The following TEK variants were observed in gnomAD, a reference collection of about 807,000 sequenced individuals.
TEK encodes the protein angiopoietin-1 receptor.
Under a neutral mutation model 131.8 loss-of-function variants are expected in TEK, and 43 were observed. The observed-to-expected ratio is 0.33, with a 90% CI of 0.26 to 0.42. TEK has a LOEUF of 0.42. TEK is among the 10% of genes least tolerant of loss of function. TEK has a pLI of 1.00. For missense variants in TEK, 1,162 were observed against 1,384.4 expected (o/e 0.84, Z 2.55); for synonymous variants, 580 against 491.6 (o/e 1.18, Z -2.38).
chr9:27,212,663 G>T (rs747130292), intron 16 of TEK, 44 bp from the exon 17 acceptor site: 2 of 1,605,374 alleles, frequency 1.2e-6, no homozygotes, highest in Non-Finnish European at 1.7e-6. Flanking sequence ...TGTCATAGCT[G>T]TTCAGGGCCA....
chr9:27,228,364 G>C (rs1484065215), intron 22 of TEK, 59 bp downstream of exon 22: 3 of 1,366,164 alleles, frequency 2.2e-6, no homozygotes, highest in Non-Finnish European at 3.1e-6. Flanking sequence ...GCCCAGGGTG[G>C]TTCATAAAAA....
Position 27,197,555 on chromosome 9 carries a change from A to C in TEK, c.1865A>C (p.Gln622Pro). ...CGAGCTAGAGTCAACACCAAGGCCC[A>C]GGGGGAATGGAGTGAAGATCTCACT... Reference protein sequence around the residue: ...VVRARVNTKAQGEWSEDLTAW... With the variant: ...VVRARVNTKAPGEWSEDLTAW... Residue 622 changes from glutamine to proline, a missense_variant, in exon 12 of 23, where the codon CAG (glutamine) becomes CCG (proline). Transcript: ENST00000380036. 1 of 1,614,092 alleles carries C rather than the reference A, an allele frequency of 6.2e-7. No homozygotes were observed.
intron 17 of TEK, 87 bp downstream of exon 17, chr9:27,212,984 C>T: frequency 1.4e-6 from 2 of 1,405,298 alleles, no homozygotes; most frequent in Non-Finnish European, 2.0e-6. Flanking sequence ...GTCTGTCAAC[C>T]TCTCTTCTTT....
intron 1 of TEK, among the ~76,000 whole-genome samples, chr9:27,137,911 T>C (rs1485054989): frequency 6.6e-6 from 1 of 152,182 alleles, no homozygotes; most frequent in African/African-American, 2.4e-5. Flanking sequence ...AGTGTTACAG[T>C]TCTTAAAGAT....
intron 2 of TEK, among the ~76,000 whole-genome samples, chr9:27,163,753 C>T (rs1823626285): frequency 6.6e-6 from 1 of 152,292 alleles, no homozygotes; most frequent in African/African-American, 2.4e-5. Context: ...ATACTGTCTT[C>T]ACAGGACTGT....
rs764047256 is a variant in TEK, at chr9:27,173,267, G to T, written c.806G>T (p.Ser269Ile). The part of the protein sequence containing the change: ...TFGRTCKERC[S>I]GQEGCKSYVF... ...GGCAGAACTTGTAAAGAAAGGTGCA[G>T]TGGACAAGAGGGATGCAAGTCTTAT... Residue 269 changes from serine (S) to isoleucine (I), a missense_variant, in exon 6 of 23, where the codon AGT becomes ATT. Coordinates refer to ENST00000380036, the MANE Select transcript of TEK (RefSeq NM_000459.5). 2.5e-6 allele frequency: 4 copies of T among 1,614,100 alleles called. No homozygotes were observed. In the Admixed American group the frequency reaches 6.7e-5, roughly 27 times the overall value.
chr9:27,136,084 TA>T (rs1822418233), intron 1 of TEK, among the ~76,000 whole-genome samples: 3 of 120,284 alleles, frequency 2.5e-5, no homozygotes, highest in South Asian at 2.3e-4. Context: ...CCAGGGCAGT[TA>T]TTTTTTTTTT....
At chr9:27,114,683 C>T (rs1821481431) in intron 1 of TEK, among the ~76,000 whole-genome samples, 1 of 152,146 alleles carries the variant, frequency 6.6e-6, no homozygotes, top group South Asian at 2.1e-4. Context: ...AAATGATATT[C>T]ACTCTCATCT....
chr9:27,224,806 G>A lies in TEK; in HGVS notation c.3201-3400G>A, dbSNP rs537563505. 1.2e-3 allele frequency among the ~76,000 whole-genome samples: 180 copies of A among 152,296 alleles called. 6 individuals are homozygous for A. In the South Asian group the frequency reaches 0.036, roughly 30 times the overall value. ...AAAGGGCATTCAAATAGGAAGAGAG[G>A]AAGTCAAACTGTCTCTGTCTGCAGA... On this transcript the variant is annotated intron_variant, in intron 21 of 22. Transcript: ENST00000380036.
At chr9:27,224,019 G>A (rs891132189) in intron 21 of TEK, among the ~76,000 whole-genome samples, 3 of 152,182 alleles carry the variant, frequency 2.0e-5, no homozygotes, top group African/African-American at 7.2e-5. Context: ...AGAAGAAATG[G>A]ATAAATTCAT....
chr9:27,170,698 G>A (rs1354755259), intron 4 of TEK, among the ~76,000 whole-genome samples: 1 of 152,168 alleles, frequency 6.6e-6, no homozygotes, highest in East Asian at 1.9e-4. Context: ...GGAGGTAAGG[G>A]AGTGGGCTTT....
At chr9:27,215,565 T>G (rs865825310) in intron 18 of TEK, among the ~76,000 whole-genome samples, 382 of 152,036 alleles carry the variant, frequency 2.5e-3, no homozygotes, top group African/African-American at 8.5e-3. Flanking sequence ...TTAGGGTTTT[T>G]TTTTTTTTTT....
At chr9:27,176,797 C>G (rs1442040091) in intron 6 of TEK, among the ~76,000 whole-genome samples, 1 of 152,184 alleles carries the variant, frequency 6.6e-6, no homozygotes, top group Non-Finnish European at 1.5e-5. Context: ...ACTTACTTAT[C>G]CTACTGTGTA....
In TEK at chr9:27,202,922, C is replaced by T. The variant is rs1476478574; in HGVS notation, c.2012C>T (p.Thr671Ile). The T allele has an allele frequency of 1.9e-6, 3 of 1,614,006 alleles. No individual in the cohort carries two copies. Among genetic ancestry groups the T allele is most frequent in the African/African-American group, 1.3e-5 (1 of 74,912 alleles). ...GATGGCTATTCTATTTCTTCTATTA[C>T]TATCCGTTACAAGGTTCAAGGCAAG... ...ILDGYSISSITIRYKVQGKNE... is the reference protein window; with the variant it reads ...ILDGYSISSIIIRYKVQGKNE... The change falls in exon 13 of 23, where the codon ACT becomes ATT. Residue 671 changes from threonine to isoleucine, a missense_variant. By Grantham distance (89) the Thr-to-Ile change is moderately conservative. Transcript: ENST00000380036.
intron 2 of TEK, among the ~76,000 whole-genome samples, chr9:27,164,359 A>G (rs1011287248): frequency 6.9e-5 from 10 of 144,580 alleles, no homozygotes; most frequent in African/African-American, 2.6e-4. Flanking sequence ...TCACTCTGTC[A>G]CTGAGGCTGG....
intron 1 of TEK, among the ~76,000 whole-genome samples, chr9:27,153,222 G>A (rs1823196289): frequency 6.6e-6 from 1 of 152,168 alleles, no homozygotes; most frequent in South Asian, 2.1e-4. Flanking sequence ...GCCGAGGCGG[G>A]TGGATCACGA....
intron 21 of TEK, among the ~76,000 whole-genome samples, chr9:27,221,410 C>A (rs937819995): frequency 6.6e-6 from 1 of 152,226 alleles, no homozygotes; most frequent in Non-Finnish European, 1.5e-5. Flanking sequence ...CAGCACAGCA[C>A]TTGAGCTCTG....
rs201324988 is a variant in TEK, at chr9:27,205,092, A to G, written c.2364+27A>G. 2.2e-5 allele frequency: 36 copies of G among 1,613,694 alleles called. No homozygotes were observed. In the East Asian group the frequency reaches 7.6e-4, roughly 34 times the overall value. ...TAGTGTCTCATCTTCCTACTAGCTA[A>G]TAAGGGCAAGTCCAAGTACAGGCAG... On this transcript the variant is annotated intron_variant, in intron 14 of 22. Coordinates refer to ENST00000380036, the MANE Select transcript of TEK (RefSeq NM_000459.5).
intron 10 of TEK, among the ~76,000 whole-genome samples, chr9:27,191,420 A>G (rs1824818541): frequency 6.6e-6 from 1 of 152,218 alleles, no homozygotes; most frequent in Non-Finnish European, 1.5e-5. Context: ...AAAAGCAAAG[A>G]GCATTATCAG....
Sources: gnomAD v4.1 joint callset for allele counts (sites outside exome capture counted in the v4.1 genomes callset) on GRCh38, gnomAD v4.1.1 for gene constraint, MANE v1.5 for transcripts, NCBI Gene and HGNC (gene_info 2026-07-23, HGNC 2026-07-21) for gene names.